The following ZNF536 variants were observed in gnomAD, a reference collection of about 807,000 sequenced individuals.
ZNF536 encodes zinc finger protein 536.
In ZNF536, 13 loss-of-function variants were observed where a neutral mutation model predicts 84.5. The ratio of observed to expected loss-of-function variants is 0.15; its 90% confidence interval spans 0.10 to 0.24. The LOEUF (loss-of-function observed/expected upper bound fraction) is 0.24, where lower values mean the gene tolerates loss of function less well. Ranked by LOEUF, ZNF536 falls within the 10% of genes least tolerant of loss-of-function variation. The pLI, the probability that ZNF536 is intolerant of heterozygous loss-of-function variation, is 1.00. For missense variants in ZNF536, 1,536 were observed against 1,747.5 expected (o/e 0.88, Z 2.16); for synonymous variants, 811 against 742.5 (o/e 1.09, Z -1.50).
intron 1 of ZNF536, among the ~76,000 whole-genome samples, chr19:30,402,997 A>T (rs990188240): frequency 6.6e-6 from 1 of 151,740 alleles, no homozygotes; most frequent in Admixed American, 6.6e-5. Context: ...AAATGTTTAC[A>T]TTTGGTGTTG....
At chr19:30,362,760 C>T (rs1179599376) in intron 3 of ZNF536, among the ~76,000 whole-genome samples, 1 of 152,028 alleles carries the variant, frequency 6.6e-6, no homozygotes, top group African/African-American at 2.4e-5. Context: ...GTTCTTGGTT[C>T]TTGTTTATGA....
At chr19:30,679,847 G>A (rs1351406267) in intron 1 of ZNF536, among the ~76,000 whole-genome samples, 1 of 152,264 alleles carries the variant, frequency 6.6e-6, no homozygotes, top group Non-Finnish European at 1.5e-5. Flanking sequence ...GTTTTGCGGG[G>A]AGAGGGGGGT....
intron 1 of ZNF536, among the ~76,000 whole-genome samples, chr19:30,253,709 G>A (rs984884151): frequency 4.6e-5 from 7 of 152,128 alleles, no homozygotes; most frequent in Non-Finnish European, 7.4e-5. Context: ...GGGGAGGCTT[G>A]GTTCCTGGGG....
chr19:30,471,426 A>G (rs2053629910), intron 2 of ZNF536, among the ~76,000 whole-genome samples: 1 of 152,228 alleles, frequency 6.6e-6, no homozygotes, highest in African/African-American at 2.4e-5. Flanking sequence ...GCAGAAATAG[A>G]ACATTAAACC....
chr19:30,314,763 G>T (rs2046624869), intron 2 of ZNF536, among the ~76,000 whole-genome samples: 1 of 152,156 alleles, frequency 6.6e-6, no homozygotes, highest in African/African-American at 2.4e-5. Flanking sequence ...TAGGAGGAAT[G>T]TGCCTGTGGC....
At chr19:30,262,576 G>A (rs961573580) in intron 1 of ZNF536, among the ~76,000 whole-genome samples, 4 of 152,198 alleles carry the variant, frequency 2.6e-5, no homozygotes, top group Non-Finnish European at 4.4e-5. Context: ...GGAAGGGAGG[G>A]CTCATCCGTG....
At chr19:30,518,439 C>G (rs1414876537) in intron 2 of ZNF536, among the ~76,000 whole-genome samples, 2 of 152,238 alleles carry the variant, frequency 1.3e-5, no homozygotes, top group East Asian at 3.9e-4. Context: ...GGATTATAAC[C>G]GTGCTCTAAC....
chr19:30,494,956 A>AC (rs2054659984), intron 2 of ZNF536, among the ~76,000 whole-genome samples: 2 of 150,942 alleles, frequency 1.3e-5, no homozygotes, highest in Non-Finnish European at 2.9e-5. Context: ...AAAAAAGAAA[A>AC]AAAAAAAAAA....
At chr19:30,585,013 C>T (rs2047047880) in intron 1 of ZNF536, among the ~76,000 whole-genome samples, 1 of 151,926 alleles carries the variant, frequency 6.6e-6, no homozygotes, top group African/African-American at 2.4e-5. Context: ...GGGAGGATTG[C>T]TTGAGCCCAG....
intron 2 of ZNF536, among the ~76,000 whole-genome samples, chr19:30,335,806 G>A (rs2047364260): frequency 6.6e-6 from 1 of 152,130 alleles, no homozygotes; most frequent in Non-Finnish European, 1.5e-5. Context: ...CACCTGGACT[G>A]GGTCCCCTTC....
At chr19:30,412,674 C>A (rs148861028) in intron 1 of ZNF536, among the ~76,000 whole-genome samples, 1 of 151,790 alleles carries the variant, frequency 6.6e-6, no homozygotes, top group African/African-American at 2.4e-5. Context: ...TTCCCCTTCT[C>A]CTTCTTCTCC....
intron 1 of ZNF536, among the ~76,000 whole-genome samples, chr19:30,619,968 T>C (rs967356613): frequency 6.6e-6 from 1 of 152,188 alleles, no homozygotes; most frequent in African/African-American, 2.4e-5. Flanking sequence ...GAGTATTTTG[T>C]TGTATCTTAC....
chr19:30,572,085 G>A (rs1349744341), intron 1 of ZNF536, among the ~76,000 whole-genome samples: 1 of 152,166 alleles, frequency 6.6e-6, no homozygotes, highest in African/African-American at 2.4e-5. Context: ...GTAAGAGGTG[G>A]GCATCTTGGT....
chr19:30,312,794 G>A, intron 2 of ZNF536, among the ~76,000 whole-genome samples: 1 of 152,186 alleles, frequency 6.6e-6, no homozygotes, highest in South Asian at 2.1e-4. Flanking sequence ...CGGCCTAGTG[G>A]GCTGGGATGT....
Position 30,444,796 on chromosome 19 carries a change from C to A in ZNF536, c.1234C>A (p.Pro412Thr), listed in dbSNP as rs766688042. 6 of 1,613,826 alleles carry A rather than the reference C, an allele frequency of 3.7e-6. No individual in the cohort carries two copies. The African/African-American group carries it at 4.0e-5, about 11-fold the overall frequency. The change falls in exon 2 of 5, where the codon CCT becomes ACT. Residue 412 changes from proline to threonine, a missense_variant. Around this residue, in one of 8 missense-constraint regions of ZNF536, gnomAD observed 366 missense variants for 364.4 expected, o/e 1.00. Coordinates refer to ENST00000355537, the MANE Select transcript of ZNF536 (RefSeq NM_014717.3). ...KNKSPSDPEV[P>T]VPMGGMSQEA... ...CAAGTCCCCCAGCGACCCCGAGGTG[C>A]CTGTGCCCATGGGCGGCATGTCCCA...
At chr19:30,700,238 T>TTCTCTCTC (rs141789281) in intron 1 of ZNF536, among the ~76,000 whole-genome samples, 3 of 97,916 alleles carry the variant, frequency 3.1e-5, no homozygotes, top group Admixed American at 2.9e-4. Flanking sequence ...CTTTCTTTCT[T>TTCTCTCTC]TCTCTCTCTC....
chr19:30,655,581 A>T (rs2049878330), intron 1 of ZNF536, among the ~76,000 whole-genome samples: 1 of 152,092 alleles, frequency 6.6e-6, no homozygotes, highest in African/African-American at 2.4e-5. Flanking sequence ...TACCCAAGAC[A>T]TGGGTGGGAA....
At chr19:30,278,301 C>G (rs1391213321) in intron 1 of ZNF536, among the ~76,000 whole-genome samples, 1 of 152,050 alleles carries the variant, frequency 6.6e-6, no homozygotes, top group Non-Finnish European at 1.5e-5. Context: ...TGAATTGGCT[C>G]GTTTGAGTGG....
chr19:30,417,293 G>C (rs115341121), intron 1 of ZNF536, among the ~76,000 whole-genome samples: 1 of 151,478 alleles, frequency 6.6e-6, no homozygotes. Flanking sequence ...CACTGTGCCC[G>C]GCCCTGATTT....
Sources: allele counts gnomAD v4.1 joint callset (sites outside exome capture counted in the v4.1 genomes callset), GRCh38; gene constraint gnomAD v4.1.1; regional missense constraint gnomAD v4.1.1; transcripts MANE v1.5; gene names NCBI Gene and HGNC (gene_info 2026-07-23, HGNC 2026-07-21).